GPA33: variants seen among roughly 807,000 people sequenced by gnomAD.
GPA33 encodes the protein cell surface A33 antigen.
Under a neutral mutation model 35.6 loss-of-function variants are expected in GPA33, and 27 were observed. The ratio of observed to expected loss-of-function variants is 0.76; its 90% CI spans 0.56 to 1.04. The LOEUF (loss-of-function observed/expected upper bound fraction) is 1.04, where lower values mean the gene tolerates loss of function less well. Among genes scored for constraint, GPA33 ranks in the 50% least tolerant of loss-of-function variants. The pLI, the probability that GPA33 is intolerant of heterozygous loss-of-function variation, is 0.00. For synonymous variants in GPA33, 176 were observed against 164.0 expected (o/e 1.07, Z -0.56); for missense variants, 428 against 411.9 (o/e 1.04, Z -0.34).
Position 167,073,465 on chromosome 1 carries a change from T to G in GPA33, c.118A>C (p.Thr40Pro), listed in dbSNP as rs75691932. The change falls in exon 2 of 7, where the codon ACC becomes CCC. Residue 40 changes from threonine to proline, a missense_variant. Coordinates refer to ENST00000367868, the MANE Select transcript of GPA33 (RefSeq NM_005814.3). ...VLRASQGKSV[T>P]LPCTYHTSTS... ...GAAGTGTGGTAGGTGCAGGGCAGGG[T>G]GACACTCTTTCCCTGCGAAGCCCGA... The G allele has an allele frequency of 1.2e-6, 2 of 1,611,416 alleles. No homozygotes were observed. The highest frequency in any genetic ancestry group is 1.7e-6 in the Non-Finnish European group (2 of 1,177,822).
chr1:167,087,201 C>T (rs889278147), intron 1 of GPA33, among the ~76,000 whole-genome samples: 11 of 152,114 alleles, frequency 7.2e-5, no homozygotes, highest in Non-Finnish European at 1.5e-4. Flanking sequence ...TTTCTTGGCA[C>T]GTGTCTGCCA....
Position 167,063,648 on chromosome 1 carries a change from G to C in GPA33, c.505C>G (p.Pro169Ala). The stretch of plus-strand genomic sequence containing the variant: ...CTCTTCCAGCTGTACTGAGGGGTTG[G>C]TGAGCCCTCCTTTGATTGGCAGGTC... The part of the protein sequence containing the change: ...QLTCQSKEGS[P>A]TPQYSWKRYN... Residue 169 changes from proline to alanine, a missense_variant, in exon 4 of 7, where the codon CCA (proline) becomes GCA (alanine). Transcript: ENST00000367868. The C allele has an allele frequency of 1.2e-6, 2 of 1,613,648 alleles. No homozygotes were observed. Among genetic ancestry groups the C allele is most frequent in the South Asian group, 2.2e-5 (2 of 91,058 alleles).
intron 1 of GPA33, among the ~76,000 whole-genome samples, chr1:167,081,409 C>T (rs867739660): frequency 6.6e-6 from 1 of 152,022 alleles, no homozygotes; most frequent in Non-Finnish European, 1.5e-5. Flanking sequence ...AGGCAGTTCA[C>T]ACACGCAGGT....
intron 4 of GPA33, among the ~76,000 whole-genome samples, chr1:167,061,087 A>T (rs1345215399): frequency 2.6e-5 from 4 of 152,256 alleles, no homozygotes; most frequent in African/African-American, 7.2e-5. Context: ...CATTTCATAG[A>T]CATAGAACCT....
intron 3 of GPA33, 149 bp from the exon 4 acceptor site, chr1:167,063,886 C>T: frequency 1.7e-6 from 1 of 591,076 alleles, no homozygotes; most frequent in Non-Finnish European, 2.9e-6. Context: ...AGATGGAATG[C>T]TGTAAAACCA....
In GPA33 at chr1:167,090,373, C is replaced by A. The variant is rs75818281; in HGVS notation, c.-86G>T. ...AGCTGTCTGGTTAAAGCTACAGCAG[C>A]TTCTGGCCTGGCCCAACTGGAGGTC... On this transcript the variant is annotated 5_prime_UTR_variant, in exon 1 of 7. Coordinates refer to ENST00000367868, the MANE Select transcript of GPA33 (RefSeq NM_005814.3). The A allele has an allele frequency of 8.5e-7, 1 of 1,170,952 alleles. No individual in the cohort carries two copies. Among genetic ancestry groups the A allele is most frequent in the East Asian group, 2.4e-5 (1 of 41,058 alleles). 72.5% of individuals were successfully genotyped at this position (1,170,952 alleles called of 1,614,324 possible). A position where few individuals can be genotyped will look rare whatever the true frequency, so the allele number is the denominator to read the frequency against.
intron 1 of GPA33, among the ~76,000 whole-genome samples, chr1:167,080,116 G>A (rs1012028997): frequency 4.6e-5 from 7 of 152,074 alleles, no homozygotes; most frequent in African/African-American, 1.5e-4. Context: ...AGTAGCTGTG[G>A]CTCTCCCATC....
intron 4 of GPA33, 142 bp from the exon 5 acceptor site, chr1:167,055,991 G>A (rs745692108): frequency 4.1e-5 from 31 of 753,726 alleles, no homozygotes; most frequent in Non-Finnish European, 6.6e-5. Context: ...CACCTCCAGG[G>A]CTGCAGGACG....
chr1:167,074,905 A>AC (rs1666791831), intron 1 of GPA33, among the ~76,000 whole-genome samples: 1 of 127,508 alleles, frequency 7.8e-6, no homozygotes, highest in Non-Finnish European at 1.7e-5. Context: ...TATTTGACTT[A>AC]CTTTTTTTTT....
chr1:167,090,323 C>A lies in GPA33; in HGVS notation c.-36G>T. ...CTTCTCTGCCCTAAACCTAACCTGT[C>A]ACTGGCAGCCTCCAGACAGGTCTGA... is the stretch of plus-strand genomic sequence containing the variant. On this transcript the variant is annotated 5_prime_UTR_variant, in exon 1 of 7. Transcript: ENST00000367868. 6.3e-7 allele frequency: 1 copy of A among 1,584,978 alleles called. No homozygotes were observed. Among genetic ancestry groups the A allele is most frequent in the Non-Finnish European group, 8.7e-7 (1 of 1,153,822 alleles).
At chr1:167,077,027 A>T (rs1289598318) in intron 1 of GPA33, among the ~76,000 whole-genome samples, 1 of 152,044 alleles carries the variant, frequency 6.6e-6, no homozygotes, top group Non-Finnish European at 1.5e-5. Flanking sequence ...CCAACATGGT[A>T]AAACCCTGCC....
At chr1:167,085,634 A>T (rs1294329951) in intron 1 of GPA33, among the ~76,000 whole-genome samples, 1 of 152,188 alleles carries the variant, frequency 6.6e-6, no homozygotes, top group African/African-American at 2.4e-5. Context: ...TACCCTGGAC[A>T]TACCGAATCA....
At chr1:167,070,126 A>T (rs1666687073) in intron 2 of GPA33, among the ~76,000 whole-genome samples, 1 of 152,158 alleles carries the variant, frequency 6.6e-6, no homozygotes, top group East Asian at 1.9e-4. Context: ...GGCTGGGGGT[A>T]TTGGGAGAGT....
At chr1:167,080,618 G>C (rs531985396) in intron 1 of GPA33, among the ~76,000 whole-genome samples, 2 of 152,244 alleles carry the variant, frequency 1.3e-5, no homozygotes, top group South Asian at 4.2e-4. Context: ...TAACTTCTCT[G>C]GGCTTCAGTT....
chr1:167,056,716 GTGTA>G (rs1666288507), intron 4 of GPA33, among the ~76,000 whole-genome samples: 2 of 5,620 alleles, frequency 3.6e-4, no homozygotes, highest in Admixed American at 1.9e-3. Context: ...TGTAGTGTGT[GTGTA>G]GTGTGTGATG....
intron 2 of GPA33, among the ~76,000 whole-genome samples, chr1:167,072,703 GAGAT>G (rs1416228991): frequency 6.6e-6 from 1 of 152,158 alleles, no homozygotes; most frequent in African/African-American, 2.4e-5. Flanking sequence ...GTTGAAAAAT[GAGAT>G]AGATAAATAT....
At chr1:167,075,757 G>A (rs1192971487) in intron 1 of GPA33, among the ~76,000 whole-genome samples, 1 of 152,184 alleles carries the variant, frequency 6.6e-6, no homozygotes, top group Non-Finnish European at 1.5e-5. Flanking sequence ...AAAGACATGT[G>A]GGACTGAACC....
chr1:167,088,056 T>C (rs1010820004), intron 1 of GPA33, among the ~76,000 whole-genome samples: 3 of 152,162 alleles, frequency 2.0e-5, no homozygotes, highest in Admixed American at 1.3e-4. Flanking sequence ...CCAACACCAC[T>C]TGAGTCTTGA....
chr1:167,070,883 G>T (rs1571313006), intron 2 of GPA33, among the ~76,000 whole-genome samples: 1 of 152,228 alleles, frequency 6.6e-6, no homozygotes, highest in Admixed American at 6.5e-5. Context: ...AGAGTTTTTT[G>T]GCTTGGATAT....
Sources: allele counts gnomAD v4.1 joint callset (sites outside exome capture counted in the v4.1 genomes callset), GRCh38; gene constraint gnomAD v4.1.1; transcripts MANE v1.5; gene names NCBI Gene and HGNC (gene_info 2026-07-23, HGNC 2026-07-21).